Variants in PRC1 observed in about 807,000 individuals in gnomAD.
PRC1 encodes the protein protein regulator of cytokinesis 1, also known as anaphase spindle elongation 1 homolog.
A neutral mutation model predicts 91.2 loss-of-function variants in PRC1; 54 were observed. The ratio of observed to expected loss-of-function variants is 0.59; its 90% CI spans 0.48 to 0.74. The LOEUF (loss-of-function observed/expected upper bound fraction) is 0.74, where lower values mean the gene tolerates loss of function less well. Among genes scored for constraint, PRC1 ranks in the 30% least tolerant of loss-of-function variants. The pLI, the probability that PRC1 is intolerant of heterozygous loss-of-function variation, is 0.00. For synonymous variants in PRC1, 275 were observed against 263.6 expected (o/e 1.04, Z -0.42); for missense variants, 727 against 746.2 (o/e 0.97, Z 0.30).
At chr15:90,971,306 G>C (rs2038104374) in intron 11 of PRC1, among the ~76,000 whole-genome samples, 1 of 152,164 alleles carries the variant, frequency 6.6e-6, no homozygotes, top group Non-Finnish European at 1.5e-5. Context: ...ATGTTTTTGA[G>C]ATGGGGTCTC....
chr15:90,990,778 CTTT>C (rs545709145), intron 1 of PRC1, among the ~76,000 whole-genome samples: 1 of 148,378 alleles, frequency 6.7e-6, no homozygotes, highest in Non-Finnish European at 1.5e-5. Flanking sequence ...TTTTTGGTTT[CTTT>C]TTTTTTTCTT....
intron 3 of PRC1, among the ~76,000 whole-genome samples, chr15:90,982,449 T>C (rs2039271601): frequency 1.3e-5 from 2 of 152,132 alleles, no homozygotes; most frequent in Non-Finnish European, 2.9e-5. Context: ...GGCACTTTTA[T>C]AGAATGTGTA....
intron 1 of PRC1, among the ~76,000 whole-genome samples, chr15:90,993,375 T>C (rs2040097513): frequency 6.6e-6 from 1 of 151,906 alleles, no homozygotes; most frequent in African/African-American, 2.4e-5. Flanking sequence ...GCCAGATAAT[T>C]TTTGTATTTT....
At position 90,974,039 on chromosome 15, in the gene PRC1, C is replaced by A. The variant is rs1164473551; in HGVS notation, c.1461+97G>T. ...TCTTGTCCCACCTGATGAGAAATAC[C>A]CACAGGTGTGGAGGGGCTGGCCCCC... On this transcript the variant is annotated intron_variant, in intron 11 of 14. Coordinates refer to ENST00000394249, the MANE Select transcript of PRC1 (RefSeq NM_003981.4). This position sits in a 1 kb window ranked among gnomAD's most constrained non-coding sequence, Gnocchi z 4.6. The A allele has an allele frequency of 2.1e-6, 2 of 948,690 alleles. No homozygotes were observed. The highest frequency in any genetic ancestry group is 2.4e-5 in the East Asian group (1 of 41,576). 58.8% of individuals were successfully genotyped at this position (948,690 alleles called of 1,614,324 possible). A position where few individuals can be genotyped will look rare whatever the true frequency, so the allele number is the denominator to read the frequency against.
chr15:90,972,830 G>A (rs1480123870), intron 11 of PRC1: 1 of 152,158 alleles, frequency 6.6e-6, no homozygotes, highest in East Asian at 1.9e-4. Flanking sequence ...TTTTCACATG[G>A]TACCACAAGG....
In PRC1 at chr15:90,981,996, G is replaced by A. The variant is rs373592606; in HGVS notation, c.268-15C>T. ...TCTCCTTCTTCCTGAATAAGACAAC[G>A]TACCACTGTTATAAGATTCCAAGTG... On this transcript the variant is annotated splice_polypyrimidine_tract_variant and intron_variant, in intron 3 of 14. Transcript: ENST00000394249. 8 of 1,602,082 alleles carry A rather than the reference G, an allele frequency of 5.0e-6. No homozygotes were observed. The highest frequency in any genetic ancestry group is 6.0e-6 in the Non-Finnish European group (7 of 1,170,280).
At chr15:90,983,632 T>A (rs1363157345) in intron 3 of PRC1, 1 of 154,252 alleles carries the variant, frequency 6.5e-6, no homozygotes, top group African/African-American at 2.4e-5. Flanking sequence ...AAGGTTGGTG[T>A]TTTCATAGTA....
chr15:90,978,242 G>C (rs1344439881), intron 8 of PRC1, among the ~76,000 whole-genome samples: 1 of 152,184 alleles, frequency 6.6e-6, no homozygotes, highest in Admixed American at 6.5e-5. Flanking sequence ...GCAAAAGTTG[G>C]AATGGTAGAG....
chr15:90,979,248 C>T lies in PRC1; in HGVS notation c.1017G>A (p.Val339=). Residue 339 remains valine, a synonymous_variant, in exon 8 of 15, where the codon GTG becomes GTA. Coordinates refer to ENST00000394249, the MANE Select transcript of PRC1 (RefSeq NM_003981.4). ...GAACTTCATAGTAGTTTTTTAACCG[C>T]ACAATCTCAGCATCGTGGAGCTGGA... ...SLLQLHDAEI[V]RLKNYYEVHK... The T allele has an allele frequency of 4.3e-6, 7 of 1,614,198 alleles. No homozygotes were observed. The highest frequency in any genetic ancestry group is 5.9e-6 in the Non-Finnish European group (7 of 1,180,022).
chr15:90,972,041 C>A (rs1358758132), intron 11 of PRC1, among the ~76,000 whole-genome samples: 7 of 148,420 alleles, frequency 4.7e-5, no homozygotes, highest in Admixed American at 2.0e-4. Flanking sequence ...AAAACAAAAC[C>A]AAAAAAAACA....
chr15:90,992,867 A>C (rs1777091509), intron 1 of PRC1, among the ~76,000 whole-genome samples: 1 of 152,000 alleles, frequency 6.6e-6, no homozygotes, highest in South Asian at 2.1e-4. Context: ...TTCTACCTTC[A>C]GGCAGCCTTC....
chr15:90,984,655 C>G lies in PRC1; in HGVS notation c.144+38G>C. The G allele has an allele frequency of 6.2e-7, 1 of 1,611,766 alleles. No individual in the cohort carries two copies. The highest frequency in any genetic ancestry group is 8.5e-7 in the Non-Finnish European group (1 of 1,178,562). On this transcript the variant is annotated intron_variant, in intron 2 of 14. Transcript: ENST00000394249. The surrounding 1 kb of genome is among the most constrained non-coding windows in gnomAD (Gnocchi z 5.1). ...CTCGGGTGAGACACCAACATCCTTA[C>G]CCTGGTCCAATGCAGAGACCAGTAC...
intron 13 of PRC1, among the ~76,000 whole-genome samples, 163 bp downstream of exon 13, chr15:90,969,284 C>CG (rs2037837141): frequency 6.6e-6 from 1 of 152,096 alleles, no homozygotes; most frequent in Non-Finnish European, 1.5e-5. Flanking sequence ...ACACAACCCC[C>CG]CCTTAAATCA....
chr15:90,968,423 G>A (rs1386448015), intron 14 of PRC1: 2 of 985,410 alleles, frequency 2.0e-6, no homozygotes, highest in East Asian at 1.1e-4. Context: ...CCCCTCAAGG[G>A]TGAGGAACAT....
Position 90,980,923 on chromosome 15 carries a change from GGCCACA to G in PRC1, c.777_782del (p.Val260_Ala261del), listed in dbSNP as rs745950649. On this transcript the variant is annotated inframe_deletion, in exon 6 of 15. Transcript: ENST00000394249. ...TGGCCTTTGACCCAGACATAATGGT[GGCCACA>G]GCTTCTCTTTCTTCTTCAGGTATTT... The G allele has an allele frequency of 3.1e-6, 5 of 1,614,154 alleles. No homozygotes were observed. In the East Asian group the frequency reaches 8.9e-5, roughly 29 times the overall value.
intron 1 of PRC1, chr15:90,987,657 G>T (rs1401667349): frequency 1.3e-5 from 2 of 152,122 alleles, no homozygotes; most frequent in African/African-American, 4.8e-5. Flanking sequence ...AGACTGCCCT[G>T]GCACCAGAGA....
At chr15:90,982,558 C>A in intron 3 of PRC1, 1 of 153,016 alleles carries the variant, frequency 6.5e-6, no homozygotes, top group South Asian at 2.0e-4. Context: ...ACCAACCTGG[C>A]CAACATGGTG....
At position 90,984,926 on chromosome 15, in the gene PRC1, C is replaced by T. The variant is rs188571663; in HGVS notation, c.12-101G>A. Reference sequence around the variant, plus strand: ...AAAAAGACTAGCTTCTCAGTGGCCTCGAGAAAAAAACAAATTGAAAACAAG... The same window carrying T: ...AAAAAGACTAGCTTCTCAGTGGCCTTGAGAAAAAAACAAATTGAAAACAAG... On this transcript the variant is annotated intron_variant, in intron 1 of 14. Coordinates refer to ENST00000394249, the MANE Select transcript of PRC1 (RefSeq NM_003981.4). The surrounding 1 kb of genome is among the most constrained non-coding windows in gnomAD (Gnocchi z 5.1). 31 of 1,447,834 alleles carry T rather than the reference C, an allele frequency of 2.1e-5. No individual in the cohort carries two copies. The Admixed American group carries it at 3.6e-4, about 17-fold the overall frequency. 89.7% of individuals were successfully genotyped at this position (1,447,834 alleles called of 1,614,324 possible). A position where few individuals can be genotyped will look rare whatever the true frequency, so the allele number is the denominator to read the frequency against.
chr15:90,992,159 G>T (rs1390652514), intron 1 of PRC1, among the ~76,000 whole-genome samples: 3 of 152,022 alleles, frequency 2.0e-5, no homozygotes, highest in Admixed American at 6.6e-5. Flanking sequence ...TTCTCAGGGA[G>T]GCCTTTCCTG....
Sources: gnomAD v4.1 joint callset for allele counts (sites outside exome capture counted in the v4.1 genomes callset) on GRCh38, gnomAD v4.1.1 for gene constraint, Gnocchi (gnomAD v3.1) non-coding constraint, MANE v1.5 for transcripts, NCBI Gene and HGNC (gene_info 2026-07-23, HGNC 2026-07-21) for gene names.